Variants in FRYL observed in about 807,000 individuals in gnomAD.
FRYL encodes FRY like transcription coactivator.
FRYL carries 150 observed loss-of-function variants against 351.2 expected under a neutral mutation model. That is an observed-to-expected ratio of 0.43 (90% CI 0.37 to 0.49). The LOEUF is 0.49. FRYL is among the 20% of genes least tolerant of loss of function. The pLI, the probability that FRYL is intolerant of heterozygous loss-of-function variation, is 0.00. For synonymous variants in FRYL, 1,153 were observed against 1,257.1 expected (o/e 0.92, Z 1.75); for missense variants, 3,036 against 3,619.3 (o/e 0.84, Z 4.13).
At chr4:48,594,453 T>C (rs1315370227) in intron 15 of FRYL, among the ~76,000 whole-genome samples, 2 of 152,122 alleles carry the variant, frequency 1.3e-5, no homozygotes, top group East Asian at 1.9e-4. Flanking sequence ...AAAGGAGTTT[T>C]ATAATTCTGG....
intron 1 of FRYL, among the ~76,000 whole-genome samples, chr4:48,764,772 T>C (rs1252768601): frequency 1.3e-5 from 2 of 152,206 alleles, no homozygotes; most frequent in African/African-American, 2.4e-5. Flanking sequence ...ACAACCATAC[T>C]ACTCAAAGCA....
intron 3 of FRYL, chr4:48,637,575 A>G (rs1347796565): frequency 1.2e-5 from 1 of 85,824 alleles, no homozygotes; most frequent in African/African-American, 4.3e-5. Flanking sequence ...CAATTCAAGC[A>G]TTGAATTACA....
intron 3 of FRYL, among the ~76,000 whole-genome samples, chr4:48,660,374 T>A (rs950844349): frequency 2.6e-5 from 4 of 152,282 alleles, no homozygotes; most frequent in African/African-American, 9.6e-5. Flanking sequence ...ATCTGAGAAA[T>A]TAGATTTTGG....
rs113861010 is a variant in FRYL at position 48,695,424 on chromosome 4, C to T, written c.-203-10629G>A. Among the ~76,000 whole-genome samples, 897 of 152,136 alleles carry T rather than the reference C, an allele frequency of 5.9e-3. 6 individuals are homozygous for T. Among genetic ancestry groups the T allele is most frequent in the African/African-American group, 0.02 (836 of 41,518 alleles). The stretch of plus-strand genomic sequence containing the variant: ...TCCACGTATGATTACAGGTAAAAAT[C>T]AATGCTACTATGTATCATTTGAAAA... On this transcript the variant is annotated intron_variant, in intron 2 of 63. Coordinates refer to ENST00000358350, the MANE Select transcript of FRYL (RefSeq NM_015030.2).
chr4:48,594,104 A>G, intron 15 of FRYL, 88 bp from the exon 16 acceptor site: 1 of 728,504 alleles, frequency 1.4e-6, no homozygotes, highest in Non-Finnish European at 2.1e-6. Context: ...TGACAACAAG[A>G]CAGGTTTGTG....
chr4:48,576,837 T>C (rs1337689297), intron 23 of FRYL, among the ~76,000 whole-genome samples: 2 of 152,204 alleles, frequency 1.3e-5, no homozygotes, highest in Non-Finnish European at 2.9e-5. Flanking sequence ...TAATCCCACA[T>C]GAAAATAAAC....
intron 27 of FRYL, among the ~76,000 whole-genome samples, chr4:48,570,165 C>T (rs1737982435): frequency 6.6e-6 from 1 of 152,046 alleles, no homozygotes; most frequent in Non-Finnish European, 1.5e-5. Context: ...GATATGGTCA[C>T]ATCTATTATA....
intron 1 of FRYL, among the ~76,000 whole-genome samples, chr4:48,746,719 G>A (rs971891914): frequency 3.9e-5 from 6 of 151,932 alleles, no homozygotes; most frequent in African/African-American, 1.5e-4. Flanking sequence ...GTCAGAAAAC[G>A]CCACACAGCT....
intron 1 of FRYL, among the ~76,000 whole-genome samples, chr4:48,764,555 G>GA (rs1774756732): frequency 1.3e-5 from 2 of 148,822 alleles, no homozygotes; most frequent in Non-Finnish European, 3.0e-5. Context: ...GAAAAGAAAA[G>GA]AAAAAACATT....
chr4:48,641,153 A>T (rs1755234970), intron 3 of FRYL, among the ~76,000 whole-genome samples: 1 of 152,168 alleles, frequency 6.6e-6, no homozygotes, highest in South Asian at 2.1e-4. Flanking sequence ...AAAACTCTAC[A>T]TTTGAAAGCA....
At chr4:48,571,162 A>G (rs1319379813) in intron 26 of FRYL, among the ~76,000 whole-genome samples, 2 of 152,218 alleles carry the variant, frequency 1.3e-5, no homozygotes, top group African/African-American at 4.8e-5. Flanking sequence ...GGGGAAGTAA[A>G]ATACTACATT....
intron 18 of FRYL, 127 bp downstream of exon 18, chr4:48,589,618 G>A: frequency 5.8e-6 from 5 of 861,408 alleles, no homozygotes; most frequent in Non-Finnish European, 9.0e-6. Context: ...TCACTGTATT[G>A]AAAACTGCAG....
At chr4:48,566,356 T>C (rs1736783612) in intron 28 of FRYL, among the ~76,000 whole-genome samples, 1 of 152,224 alleles carries the variant, frequency 6.6e-6, no homozygotes, top group Non-Finnish European at 1.5e-5. Context: ...ATATAATTTC[T>C]CTACATCTAT....
chr4:48,570,618 C>A (rs1738069005), intron 27 of FRYL, among the ~76,000 whole-genome samples: 1 of 152,146 alleles, frequency 6.6e-6, no homozygotes, highest in South Asian at 2.1e-4. Context: ...CAGAAGCAAT[C>A]CAATTCTGGT....
chr4:48,679,691 TA>T (rs10709457), intron 3 of FRYL, among the ~76,000 whole-genome samples: 140,669 of 152,078 alleles, frequency 0.92, 65,443 homozygotes, highest in South Asian at 0.98. Context: ...TTGAATGTTC[TA>T]ACACAAAGAA....
At chr4:48,636,257 A>G (rs941853086) in intron 3 of FRYL, among the ~76,000 whole-genome samples, 1 of 152,124 alleles carries the variant, frequency 6.6e-6, no homozygotes, top group African/African-American at 2.4e-5. Flanking sequence ...TGTGGAAGAA[A>G]GAAGAGCTCT....
Position 48,527,670 on chromosome 4 carries a change from A to T in FRYL, c.7141-17T>A, listed in dbSNP as rs769661005. 1.3e-6 allele frequency: 2 copies of T among 1,543,844 alleles called. No individual in the cohort carries two copies. Among genetic ancestry groups the T allele is most frequent in the Non-Finnish European group, 8.8e-7 (1 of 1,141,248 alleles). ...AAATACAACCTGATGCCCGATTAAAAAAAAAAAAAAAGTCCATCCATCAGA... is the reference window on the plus strand; with the variant it reads ...AAATACAACCTGATGCCCGATTAAATAAAAAAAAAAAGTCCATCCATCAGA... On this transcript the variant is annotated splice_polypyrimidine_tract_variant and intron_variant, in intron 52 of 63. Transcript: ENST00000358350.
intron 50 of FRYL, among the ~76,000 whole-genome samples, chr4:48,530,538 G>T (rs1254570475): frequency 2.0e-5 from 3 of 152,092 alleles, no homozygotes; most frequent in Admixed American, 6.6e-5. Flanking sequence ...GATAAAACCA[G>T]TTTGTTACTA....
intron 14 of FRYL, 47 bp downstream of exon 14, chr4:48,595,850 A>C: frequency 7.5e-7 from 1 of 1,325,400 alleles, no homozygotes; most frequent in African/African-American, 1.5e-5. Context: ...GTGTTTTTTT[A>C]AAAACAAGAA....
Sources: gnomAD v4.1 joint callset for allele counts (sites outside exome capture counted in the v4.1 genomes callset) on GRCh38, gnomAD v4.1.1 for gene constraint, MANE v1.5 for transcripts, NCBI Gene and HGNC (gene_info 2026-07-23, HGNC 2026-07-21) for gene names.